The following CDH13 variants were observed in gnomAD, a reference collection of about 807,000 sequenced individuals.
CDH13 encodes cadherin-13.
A neutral mutation model predicts 63.8 loss-of-function variants in CDH13; 24 were observed. That is an observed-to-expected ratio of 0.38 (90% CI 0.27 to 0.53). CDH13 has a LOEUF of 0.53. CDH13 is among the 20% of genes least tolerant of loss of function. The pLI, the probability that CDH13 is intolerant of heterozygous loss-of-function variation, is 0.85. For missense variants in CDH13, 1,049 were observed against 903.1 expected (o/e 1.16, Z -2.07); for synonymous variants, 503 against 355.3 (o/e 1.42, Z -4.67).
At chr16:83,751,674 G>A (rs866580547) in intron 11 of CDH13, among the ~76,000 whole-genome samples, 5 of 152,204 alleles carry the variant, frequency 3.3e-5, no homozygotes, top group African/African-American at 9.7e-5. Flanking sequence ...GTCAGAGTCT[G>A]CGCAAGCATA....
chr16:83,468,198 G>T (rs148862689), intron 6 of CDH13, among the ~76,000 whole-genome samples: 1 of 152,214 alleles, frequency 6.6e-6, no homozygotes, highest in Non-Finnish European at 1.5e-5. Context: ...AGGGTCTGGG[G>T]ATGAGAGTAC....
At chr16:83,411,716 G>C (rs951936275) in intron 6 of CDH13, among the ~76,000 whole-genome samples, 1 of 152,092 alleles carries the variant, frequency 6.6e-6, no homozygotes, top group Non-Finnish European at 1.5e-5. Flanking sequence ...ACATTACAGT[G>C]TTTCACACAG....
chr16:82,780,212 C>G (rs2035688015), intron 1 of CDH13, among the ~76,000 whole-genome samples: 1 of 152,104 alleles, frequency 6.6e-6, no homozygotes, highest in African/African-American at 2.4e-5. Context: ...CATATGTCGA[C>G]CCACAAGTGG....
chr16:83,398,442 A>G (rs139122120), intron 6 of CDH13, among the ~76,000 whole-genome samples: 60 of 152,206 alleles, frequency 3.9e-4, no homozygotes, highest in African/African-American at 1.4e-3. Flanking sequence ...TTCTGTTACA[A>G]AGACATTTGC....
chr16:83,285,094 T>G (rs1327486399), intron 5 of CDH13, among the ~76,000 whole-genome samples: 2 of 152,180 alleles, frequency 1.3e-5, no homozygotes, highest in Non-Finnish European at 2.9e-5. Context: ...TTGGAACGGC[T>G]TTTTAACCTT....
intron 5 of CDH13, among the ~76,000 whole-genome samples, chr16:83,287,796 C>T (rs1388773228): frequency 6.6e-6 from 1 of 152,122 alleles, no homozygotes; most frequent in Non-Finnish European, 1.5e-5. Context: ...AATTGTCTTC[C>T]ATGGAACCAG....
At chr16:83,458,788 C>T (rs1342555030) in intron 6 of CDH13, among the ~76,000 whole-genome samples, 3 of 152,204 alleles carry the variant, frequency 2.0e-5, no homozygotes, top group Non-Finnish European at 4.4e-5. Context: ...GACATTCTGT[C>T]TGCTGATCGT....
intron 5 of CDH13, among the ~76,000 whole-genome samples, chr16:83,230,440 C>T (rs2039970128): frequency 6.6e-6 from 1 of 152,120 alleles, no homozygotes; most frequent in South Asian, 2.1e-4. Flanking sequence ...CCCTGCCTGA[C>T]CACCCCCGCA....
At chr16:82,669,560 G>T (rs1382547602) in intron 1 of CDH13, among the ~76,000 whole-genome samples, 1 of 152,162 alleles carries the variant, frequency 6.6e-6, no homozygotes, top group Non-Finnish European at 1.5e-5. Context: ...AATCCAGAAG[G>T]ACTTAAATGT....
chr16:83,698,206 C>G (rs776674250), intron 10 of CDH13, among the ~76,000 whole-genome samples: 1 of 152,190 alleles, frequency 6.6e-6, no homozygotes, highest in Non-Finnish European at 1.5e-5. Context: ...GTGTCCTGTT[C>G]AGGAGTTAAT....
At chr16:83,466,295 G>C (rs1225069180) in intron 6 of CDH13, among the ~76,000 whole-genome samples, 3 of 152,186 alleles carry the variant, frequency 2.0e-5, no homozygotes, top group Admixed American at 1.3e-4. Context: ...CTGAAGAAGA[G>C]ACCCAGAGCC....
chr16:82,950,980 T>C lies in CDH13; in HGVS notation c.158-81030T>C, dbSNP rs567855472. On this transcript the variant is annotated intron_variant, in intron 2 of 13. Transcript: ENST00000567109. ...AACTCTCCAACTGCTATGCTTCAGC[T>C]TAGATGTTGCGCATCACCATATTTC... Among the ~76,000 whole-genome samples the C allele has an allele frequency of 3.3e-5, 5 of 152,306 alleles. No homozygotes were observed. In the South Asian group the frequency reaches 1.0e-3, roughly 32 times the overall value.
intron 2 of CDH13, among the ~76,000 whole-genome samples, chr16:83,000,293 G>A (rs12933010): frequency 1.8e-4 from 19 of 106,062 alleles, no homozygotes; most frequent in Admixed American, 1.4e-4. Flanking sequence ...TTGTTGCCCA[G>A]ACTGTAGTGC....
chr16:83,134,562 A>T (rs1376901515), intron 4 of CDH13, among the ~76,000 whole-genome samples: 2 of 70,036 alleles, frequency 2.9e-5, no homozygotes, highest in African/African-American at 8.0e-5. Context: ...AGAGAGAGAG[A>T]GAGAGAGAGA....
chr16:83,169,073 A>C (rs1185271312), intron 4 of CDH13, among the ~76,000 whole-genome samples: 1 of 152,156 alleles, frequency 6.6e-6, no homozygotes, highest in Non-Finnish European at 1.5e-5. Context: ...TGACAATTAA[A>C]ACATAATTAT....
intron 4 of CDH13, among the ~76,000 whole-genome samples, chr16:83,216,410 A>ATG (rs2039517494): frequency 3.9e-5 from 2 of 51,734 alleles, no homozygotes; most frequent in African/African-American, 8.0e-5. Flanking sequence ...ATATATATAT[A>ATG]TATATATATA....
chr16:82,931,958 G>C (rs889020965), intron 2 of CDH13, among the ~76,000 whole-genome samples: 4 of 152,096 alleles, frequency 2.6e-5, no homozygotes, highest in African/African-American at 9.7e-5. Context: ...TTGACCCTAA[G>C]TGGATGTTCA....
intron 1 of CDH13, among the ~76,000 whole-genome samples, chr16:82,673,003 T>TC (rs1555531943): frequency 4.6e-5 from 4 of 87,640 alleles, no homozygotes; most frequent in South Asian, 4.8e-4. Context: ...AGTTTTCTTT[T>TC]TTTTTTTTTT....
intron 6 of CDH13, among the ~76,000 whole-genome samples, chr16:83,377,025 G>A (rs921073275): frequency 2.0e-5 from 3 of 152,104 alleles, no homozygotes; most frequent in African/African-American, 4.8e-5. Flanking sequence ...AAGGAGGAGT[G>A]AAGCACTATT....
Sources: allele counts gnomAD v4.1 joint callset (sites outside exome capture counted in the v4.1 genomes callset), GRCh38; gene constraint gnomAD v4.1.1; transcripts MANE v1.5; gene names NCBI Gene and HGNC (gene_info 2026-07-23, HGNC 2026-07-21).